FBXO10: variants seen among roughly 807,000 people sequenced by gnomAD.
FBXO10 encodes the protein F-box only protein 10.
FBXO10 carries 39 observed loss-of-function variants against 80.7 expected under a neutral mutation model. The observed-to-expected ratio is 0.48, with a 90% CI of 0.37 to 0.63. FBXO10 has a LOEUF of 0.63. FBXO10 is among the 30% of genes least tolerant of loss of function. The pLI, the probability that FBXO10 is intolerant of heterozygous loss-of-function variation, is 0.00. For synonymous variants in FBXO10, 449 were observed against 489.6 expected (o/e 0.92, Z 1.09); for missense variants, 1,025 against 1,269.0 (o/e 0.81, Z 2.92).
chr9:37,542,551 G>A (rs1317132408), intron 1 of FBXO10, among the ~76,000 whole-genome samples: 2 of 147,018 alleles, frequency 1.4e-5, no homozygotes, highest in Non-Finnish European at 1.5e-5. Flanking sequence ...AGCCCAGATC[G>A]TGCCATTGCG....
At chr9:37,565,808 T>A (rs1288971789) in intron 1 of FBXO10, among the ~76,000 whole-genome samples, 1 of 152,154 alleles carries the variant, frequency 6.6e-6, no homozygotes, top group Non-Finnish European at 1.5e-5. Context: ...GGAGCTGGTA[T>A]CTGAACTGGA....
chr9:37,545,175 CT>C (rs397893928), intron 1 of FBXO10, among the ~76,000 whole-genome samples: 28 of 85,634 alleles, frequency 3.3e-4, no homozygotes, highest in East Asian at 1.6e-3. Context: ...CATTCTCAGG[CT>C]TTTTTTTTTT....
chr9:37,567,653 C>A (rs1822643789), intron 1 of FBXO10, among the ~76,000 whole-genome samples: 1 of 152,068 alleles, frequency 6.6e-6, no homozygotes, highest in Admixed American at 6.5e-5. Flanking sequence ...GTTAGGAACC[C>A]CAGTACTCCA....
chr9:37,565,184 T>C (rs1375115528), intron 1 of FBXO10, among the ~76,000 whole-genome samples: 1 of 152,186 alleles, frequency 6.6e-6, no homozygotes, highest in Non-Finnish European at 1.5e-5. Context: ...CCTTTCACCA[T>C]GATTGTAAGT....
At chr9:37,539,378 G>A (rs1189651634) in intron 2 of FBXO10, among the ~76,000 whole-genome samples, 1 of 152,190 alleles carries the variant, frequency 6.6e-6, no homozygotes, top group Non-Finnish European at 1.5e-5. Flanking sequence ...TTCAGGCAAA[G>A]CCATCCCAGG....
chr9:37,529,171 A>G lies in FBXO10; in HGVS notation c.1659T>C (p.Asn553=). The change falls in exon 5 of 11, where the codon AAT becomes AAC. Residue 553 remains asparagine, a synonymous_variant. Transcript: ENST00000432825. ...ACAGGATGTAAATGCCAGCCTCCTTATTGGAAAAGATTTGATTGTTCCGGA... is the reference window on the plus strand; with the variant it reads ...ACAGGATGTAAATGCCAGCCTCCTTGTTGGAAAAGATTTGATTGTTCCGGA... ...GIIRNNQIFS[N]KEAGIYILYH... The G allele has an allele frequency of 2.5e-6, 4 of 1,613,966 alleles. No individual in the cohort carries two copies. Among genetic ancestry groups the G allele is most frequent in the Non-Finnish European group, 3.4e-6 (4 of 1,179,876 alleles).
intron 1 of FBXO10, among the ~76,000 whole-genome samples, chr9:37,569,341 A>G (rs1337089220): frequency 1.3e-5 from 2 of 151,700 alleles, no homozygotes; most frequent in Non-Finnish European, 2.9e-5. Flanking sequence ...TAAGAAGATA[A>G]AACAACTTTA....
intron 1 of FBXO10, among the ~76,000 whole-genome samples, chr9:37,573,400 A>G (rs1437200479): frequency 6.6e-6 from 1 of 152,206 alleles, no homozygotes; most frequent in African/African-American, 2.4e-5. Flanking sequence ...CATAAATGAA[A>G]CAAGCTCTAA....
chr9:37,576,046 C>T (rs916130285), intron 1 of FBXO10, among the ~76,000 whole-genome samples, 165 bp downstream of exon 1: 6 of 152,148 alleles, frequency 3.9e-5, no homozygotes, highest in African/African-American at 1.4e-4. Context: ...CCTGAGGGTA[C>T]GCCTCATGGT....
intron 3 of FBXO10, 32 bp downstream of exon 3, chr9:37,537,078 G>C: frequency 6.6e-7 from 1 of 1,516,860 alleles, no homozygotes; most frequent in Non-Finnish European, 9.0e-7. Context: ...AGCCACAGGA[G>C]CCCCCTGACC....
chr9:37,522,965 C>T lies in FBXO10; in HGVS notation c.1790G>A (p.Arg597His), dbSNP rs761379472. 38 of 1,594,474 alleles carry T rather than the reference C, an allele frequency of 2.4e-5. No individual in the cohort carries two copies. Among genetic ancestry groups the T allele is most frequent in the Middle Eastern group, 1.6e-4 (1 of 6,072 alleles). ...GKGLITENVI[R>H]ENQWGGVDIR... is the part of the protein sequence containing the mutation. ...GTCCACACCTCCCCACTGATTCTCA[C>T]GGATGACATTTTCTATGGAGAGAAG... The change falls in exon 7 of 11, where the codon CGT (arginine) becomes CAT (histidine). Residue 597 changes from arginine to histidine, a missense_variant. Transcript: ENST00000432825.
Position 37,567,981 on chromosome 9 carries a change from C to T in FBXO10, c.-7+8230G>A, listed in dbSNP as rs540550959. ...TGACCCAAAGAAGACAGTAAGAATC[C>T]CCCATCCTCTTGCAAGGAATGGGGC... is the stretch of plus-strand genomic sequence containing the variant. On this transcript the variant is annotated intron_variant, in intron 1 of 10. Transcript: ENST00000432825. Among the ~76,000 whole-genome samples the T allele has an allele frequency of 2.6e-5, 4 of 152,216 alleles. No homozygotes were observed. The South Asian group carries it at 8.3e-4, about 32-fold the overall frequency.
chr9:37,563,379 G>A (rs548784897), intron 1 of FBXO10, among the ~76,000 whole-genome samples: 29 of 152,282 alleles, frequency 1.9e-4, no homozygotes, highest in African/African-American at 6.0e-4. Context: ...ATGTGGAAGC[G>A]ACTTTGGAAC....
intron 1 of FBXO10, among the ~76,000 whole-genome samples, chr9:37,551,245 GC>G (rs1286215672): frequency 2.6e-5 from 4 of 152,212 alleles, no homozygotes. Flanking sequence ...GGAAAGCCCT[GC>G]CTCCACAGCA....
At position 37,520,982 on chromosome 9, in the gene FBXO10, C is replaced by T. The variant is rs974874070; in HGVS notation, c.2200+587G>A. On this transcript the variant is annotated intron_variant, in intron 8 of 10. Transcript: ENST00000432825. ...CAAGTGCCAGTGGGGATGGGGAGGG[C>T]CCAGTTCAAAGGAGGAAGGAATGAA... is the stretch of plus-strand genomic sequence containing the variant. Among the ~76,000 whole-genome samples, 13 of 151,978 alleles carry T rather than the reference C, an allele frequency of 8.6e-5. No individual in the cohort carries two copies. The Middle Eastern group carries it at 0.01, about 119-fold the overall frequency.
At chr9:37,554,417 T>C (rs1822284649) in intron 1 of FBXO10, among the ~76,000 whole-genome samples, 1 of 152,246 alleles carries the variant, frequency 6.6e-6, no homozygotes, top group African/African-American at 2.4e-5. Flanking sequence ...TTGTTTATGA[T>C]GCTGAGGACT....
rs186665775 is a variant in FBXO10, at chr9:37,573,169, G to T, written c.-7+3042C>A. On this transcript the variant is annotated intron_variant, in intron 1 of 10. Transcript: ENST00000432825. ...ATTTGCCAAAGGGATTTGGGTTAAG[G>T]TTAAGAAGAGAAGGGACTGAGCCCA... Among the ~76,000 whole-genome samples the T allele has an allele frequency of 5.0e-4, 76 of 152,302 alleles. 1 individual carries two copies. The East Asian group carries it at 0.013, about 26-fold the overall frequency.
At chr9:37,553,012 T>TTGTGTGTGTG (rs74171513) in intron 1 of FBXO10, among the ~76,000 whole-genome samples, 32 of 144,472 alleles carry the variant, frequency 2.2e-4, no homozygotes, top group South Asian at 4.6e-4. Context: ...CCAATTCAGG[T>TTGTGTGTGTG]TGTGTGTGTG....
In FBXO10 at chr9:37,529,249, G is replaced by A; in HGVS notation, c.1581C>T (p.Ile527=). ...CAATGCCAGAGCGAAGGCCATGGTG[G>A]ATCTGGTTACACTGCAAGTGAAAAT... ...KSNPLILCNQ[I]HHGLRSGIVV... Residue 527 remains isoleucine (I), a synonymous_variant, in exon 5 of 11, where the codon ATC becomes ATT. Transcript: ENST00000432825. The A allele has an allele frequency of 6.2e-7, 1 of 1,608,356 alleles. No individual in the cohort carries two copies. The highest frequency in any genetic ancestry group is 8.5e-7 in the Non-Finnish European group (1 of 1,177,362).
Sources: allele counts gnomAD v4.1 joint callset (sites outside exome capture counted in the v4.1 genomes callset), GRCh38; gene constraint gnomAD v4.1.1; transcripts MANE v1.5; gene names NCBI Gene and HGNC (gene_info 2026-07-23, HGNC 2026-07-21).